WASF2: variants seen among roughly 807,000 people sequenced by gnomAD.
WASF2 encodes the protein actin-binding protein WASF2.
WASF2 carries 14 observed loss-of-function variants against 45.0 expected under a neutral mutation model. The ratio of observed to expected loss-of-function variants is 0.31; its 90% CI spans 0.21 to 0.49. The LOEUF (loss-of-function observed/expected upper bound fraction) is 0.49. Ranked by LOEUF, WASF2 falls within the 20% of genes least tolerant of loss-of-function variation. The pLI is 0.99. For missense variants in WASF2, 439 were observed against 636.1 expected (o/e 0.69, Z 3.33); for synonymous variants, 200 against 236.3 (o/e 0.85, Z 1.41).
Position 27,412,709 on chromosome 1 carries a change from C to T in WASF2, c.687G>A (p.Val229=), listed in dbSNP as rs754127700. 1.9e-6 allele frequency: 3 copies of T among 1,614,224 alleles called. No homozygotes were observed. Among genetic ancestry groups the T allele is most frequent in the East Asian group, 2.2e-5 (1 of 44,884 alleles). The change falls in exon 7 of 9, where the codon GTG becomes GTA. Residue 229 remains valine, a synonymous_variant. Coordinates refer to ENST00000618852, the MANE Select transcript of WASF2 (RefSeq NM_006990.5). The stretch of plus-strand genomic sequence containing the variant: ...CACAGCCAATGCTGCCATTCTGGTA[C>T]ACCAAAGTGGGTGGATACCTGACAA... ...LGTSGYPPTL[V]YQNGSIGCVE...
chr1:27,485,448 A>G (rs1377980286), intron 1 of WASF2, among the ~76,000 whole-genome samples: 1 of 152,114 alleles, frequency 6.6e-6, no homozygotes, highest in Non-Finnish European at 1.5e-5. Flanking sequence ...AGAAAATAAA[A>G]GAAATAAAAT....
intron 1 of WASF2, among the ~76,000 whole-genome samples, chr1:27,466,396 C>T (rs942153255): frequency 4.6e-5 from 7 of 152,140 alleles, no homozygotes; most frequent in Admixed American, 4.6e-4. Flanking sequence ...CAGAATAATA[C>T]ACCACCACTT....
chr1:27,479,146 C>A (rs1412864266), intron 1 of WASF2, among the ~76,000 whole-genome samples: 1 of 151,668 alleles, frequency 6.6e-6, no homozygotes, highest in Admixed American at 6.6e-5. Context: ...ATTAGCCAGG[C>A]GTGGTGGCAG....
At chr1:27,469,414 T>A (rs2017659973) in intron 1 of WASF2, among the ~76,000 whole-genome samples, 1 of 152,182 alleles carries the variant, frequency 6.6e-6, no homozygotes, top group Non-Finnish European at 1.5e-5. Flanking sequence ...CAAAAATGTA[T>A]GAAAATAAGT....
chr1:27,424,040 G>A (rs1038034321), intron 2 of WASF2, among the ~76,000 whole-genome samples: 2 of 152,218 alleles, frequency 1.3e-5, no homozygotes, highest in African/African-American at 2.4e-5. Flanking sequence ...CCGAATATGC[G>A]AAATGCCAAT....
chr1:27,479,250 C>T (rs2017813349), intron 1 of WASF2, among the ~76,000 whole-genome samples: 1 of 151,416 alleles, frequency 6.6e-6, no homozygotes, highest in African/African-American at 2.4e-5. Flanking sequence ...TGCGCCACTG[C>T]ACTCCAGTGT....
chr1:27,433,179 G>GA (rs750137994), intron 1 of WASF2, among the ~76,000 whole-genome samples: 2 of 152,194 alleles, frequency 1.3e-5, no homozygotes, highest in Admixed American at 6.5e-5. Flanking sequence ...AATTTGGCAG[G>GA]TTTTTCCTGG....
intron 1 of WASF2, among the ~76,000 whole-genome samples, chr1:27,454,187 A>ATATTTTT (rs1469446976): frequency 2.3e-4 from 3 of 12,772 alleles, no homozygotes; most frequent in Admixed American, 9.3e-4. Context: ...ATATATATAT[A>ATATTTTT]TTTTTTTTTT....
intron 1 of WASF2, among the ~76,000 whole-genome samples, chr1:27,455,900 G>A (rs1026114273): frequency 1.3e-5 from 2 of 152,174 alleles, no homozygotes; most frequent in Middle Eastern, 3.4e-3. Context: ...AGCTCTTTGA[G>A]GGAAGGTACT....
At chr1:27,480,801 G>A (rs1462482398) in intron 1 of WASF2, among the ~76,000 whole-genome samples, 1 of 152,144 alleles carries the variant, frequency 6.6e-6, no homozygotes, top group Non-Finnish European at 1.5e-5. Flanking sequence ...GAGGTCAGGA[G>A]ATCGAGACCA....
Position 27,409,854 on chromosome 1 carries a change from G to A in WASF2, c.1177C>T (p.Pro393Ser). 6.4e-7 allele frequency: 1 copy of A among 1,550,408 alleles called. No homozygotes were observed. Among genetic ancestry groups the A allele is most frequent in the Non-Finnish European group, 8.7e-7 (1 of 1,144,552 alleles). Residue 393 changes from proline to serine, a missense_variant, in exon 8 of 9, where the codon CCT (proline) becomes TCT (serine). Pro to Ser is a moderately conservative substitution (Grantham distance 74). Transcript: ENST00000618852. ...LSQPTGGAPP[P>S]PPPPPPPGPP... ...CCCGGAGGAGGAGGAGGAGGGGGAG[G>A]AGGAGGTGCTCCTCCTGTTGGCTGG...
chr1:27,404,419 G>T lies in WASF2; in HGVS notation c.*3770C>A, dbSNP rs765412441. On this transcript the variant is annotated 3_prime_UTR_variant, in exon 9 of 9. Transcript: ENST00000618852. ...TTAAAAAAATTGGATGTCTTTCTGA[G>T]GGTCTGAGAAGAATAGGGCAGAAGA... is the stretch of plus-strand genomic sequence containing the variant. 8 of 152,220 alleles carry T rather than the reference G, an allele frequency of 5.3e-5. No homozygotes were observed. The highest frequency in any genetic ancestry group is 1.0e-4 in the Non-Finnish European group (7 of 68,050). 9.4% of individuals were successfully genotyped at this position (152,220 alleles called of 1,614,324 possible).
At chr1:27,408,402 T>C in intron 8 of WASF2, 56 bp from the exon 9 acceptor site, 3 of 1,608,956 alleles carry the variant, frequency 1.9e-6, no homozygotes, top group Middle Eastern at 1.7e-4. Flanking sequence ...TTGGAATCCA[T>C]CTGGAACTGG....
intron 1 of WASF2, among the ~76,000 whole-genome samples, chr1:27,438,434 G>C (rs2017166036): frequency 6.6e-6 from 1 of 152,200 alleles, no homozygotes; most frequent in Non-Finnish European, 1.5e-5. Context: ...CACCTGGCTA[G>C]CTGTGTAACC....
chr1:27,451,835 G>A lies in WASF2; in HGVS notation c.-43-22902C>T, dbSNP rs189525085. ...CATAGTTCCAATACCCTCAGATGACGCCTAAAACTGCAGATAGTACTGAGG... is the reference window on the plus strand; with the variant it reads ...CATAGTTCCAATACCCTCAGATGACACCTAAAACTGCAGATAGTACTGAGG... On this transcript the variant is annotated intron_variant, in intron 1 of 8. Coordinates refer to ENST00000618852, the MANE Select transcript of WASF2 (RefSeq NM_006990.5). Among the ~76,000 whole-genome samples, 331 of 152,214 alleles carry A rather than the reference G, an allele frequency of 2.2e-3. 4 individuals are homozygous for A. The highest frequency in any genetic ancestry group is 7.4e-3 in the African/African-American group (309 of 41,540).
intron 1 of WASF2, among the ~76,000 whole-genome samples, chr1:27,464,317 G>A (rs2017586873): frequency 6.6e-6 from 1 of 151,778 alleles, no homozygotes; most frequent in Non-Finnish European, 1.5e-5. Context: ...GGAGGTAGAG[G>A]TTAGGTTACA....
chr1:27,430,376 T>A (rs1388179171), intron 1 of WASF2, among the ~76,000 whole-genome samples: 7 of 152,210 alleles, frequency 4.6e-5, no homozygotes, highest in Non-Finnish European at 8.8e-5. Context: ...TTTATTCTTT[T>A]TTGAGACAGG....
chr1:27,464,210 T>A (rs912802797), intron 1 of WASF2, among the ~76,000 whole-genome samples: 5 of 151,580 alleles, frequency 3.3e-5, no homozygotes, highest in African/African-American at 1.2e-4. Context: ...TGAAACCCCA[T>A]CTCTACTAAA....
At position 27,490,103 on chromosome 1, in the gene WASF2, G is replaced by C. The variant is rs1416011122; in HGVS notation, c.-161C>G. 1 of 152,244 alleles carries C rather than the reference G, an allele frequency of 6.6e-6. No individual in the cohort carries two copies. The allele number at this position is 152,244 out of a possible 1,614,324, so 9.4% of individuals were successfully genotyped here. ...TGCCAAACGGCCGGACCCCCTCAGC[G>C]CGCTACGCCCCCAGCCGCGCTCGCC... On this transcript the variant is annotated 5_prime_UTR_variant, in exon 1 of 9. Transcript: ENST00000618852.
Sources: allele counts gnomAD v4.1 joint callset (sites outside exome capture counted in the v4.1 genomes callset), GRCh38; gene constraint gnomAD v4.1.1; transcripts MANE v1.5; gene names NCBI Gene and HGNC (gene_info 2026-07-23, HGNC 2026-07-21).